Variants in AHNAK observed in about 807,000 individuals in gnomAD.
AHNAK encodes the protein neuroblast differentiation-associated protein AHNAK.
A neutral mutation model predicts 37.8 loss-of-function variants in AHNAK; 23 were observed. The observed-to-expected ratio is 0.61, with a 90% CI of 0.44 to 0.86. AHNAK has a LOEUF of 0.86. Ranked by LOEUF, AHNAK falls within the 40% of genes least tolerant of loss-of-function variation. AHNAK has a pLI of 0.00. For synonymous variants in AHNAK, 2,481 were observed against 2,636.3 expected, an observed-to-expected ratio of 0.94 and a Z score of 1.80; for missense variants, 7,411 against 7,319.4, an observed-to-expected ratio of 1.01 and a Z score of -0.46.
intron 5 of AHNAK, among the ~76,000 whole-genome samples, chr11:62,469,621 C>T (rs1286738489): frequency 1.3e-5 from 2 of 151,878 alleles, no homozygotes; most frequent in East Asian, 1.9e-4. Flanking sequence ...TTTGCCACTA[C>T]ACCCAGATAA....
chr11:62,479,736 G>T (rs185152502), intron 5 of AHNAK, among the ~76,000 whole-genome samples: 1 of 152,076 alleles, frequency 6.6e-6, no homozygotes. Context: ...CACGACGCAC[G>T]AAACAGATAA....
chr11:62,435,091 A>G (rs1938131479), intron 5 of AHNAK, among the ~76,000 whole-genome samples: 1 of 152,040 alleles, frequency 6.6e-6, no homozygotes, highest in Non-Finnish European at 1.5e-5. Flanking sequence ...GGCTCCTAAA[A>G]ACTACCTCCT....
chr11:62,516,613 G>C lies in AHNAK; in HGVS notation c.*131C>G. The C allele has an allele frequency of 6.7e-7, 1 of 1,483,310 alleles. No individual in the cohort carries two copies. The highest frequency in any genetic ancestry group is 1.4e-5 in the African/African-American group (1 of 71,424). 91.9% of individuals were successfully genotyped at this position (1,483,310 alleles called of 1,614,324 possible). A position where few individuals can be genotyped will look rare whatever the true frequency, so the allele number is the denominator to read the frequency against. On this transcript the variant is annotated 3_prime_UTR_variant, in exon 5 of 5. Coordinates refer to ENST00000378024, the MANE Select transcript of AHNAK (RefSeq NM_001620.3). ...GGTCGGTTTTTCAGCGCTTGCCACCGGGCCAGGCAAGGTCTTTGCATGATT... is the reference window on the plus strand; with the variant it reads ...GGTCGGTTTTTCAGCGCTTGCCACCCGGCCAGGCAAGGTCTTTGCATGATT...
At position 62,529,294 on chromosome 11, in the gene AHNAK, C is replaced by G. The variant is rs1940634676; in HGVS notation, c.5123G>C (p.Trp1708Ser). The change falls in exon 5 of 5, where the codon TGG becomes TCG. Residue 1708 changes from tryptophan (W) to serine (S), a missense_variant. Physicochemically the swap from Trp to Ser is radical, Grantham distance 177. Transcript: ENST00000378024. The stretch of plus-strand genomic sequence containing the variant: ...TTTCATCTTGGGCATTTTCAGGTGC[C>G]AATCTGGGTCGTGAACCTCCACATC... ...APDVEVHDPDWHLKMPKMKMP... is the reference protein window; with the variant it reads ...APDVEVHDPDSHLKMPKMKMP... 1 of 1,614,004 alleles carries G rather than the reference C, an allele frequency of 6.2e-7. No homozygotes were observed. The highest frequency in any genetic ancestry group is 8.5e-7 in the Non-Finnish European group (1 of 1,180,032).
chr11:62,543,274 C>A (rs558127186), intron 1 of AHNAK, among the ~76,000 whole-genome samples: 1 of 152,312 alleles, frequency 6.6e-6, no homozygotes, highest in East Asian at 1.9e-4. Flanking sequence ...ACAACCCCTA[C>A]GGGCCCGCAG....
Position 62,532,387 on chromosome 11 carries a change from C to T in AHNAK, c.2030G>A (p.Gly677Glu), listed in dbSNP as rs1310049724. The T allele has an allele frequency of 6.2e-7, 1 of 1,614,140 alleles. No individual in the cohort carries two copies. The highest frequency in any genetic ancestry group is 2.2e-5 in the East Asian group (1 of 44,866). ...AACATCGGGGCCTTTAAGTTTTCCC[C>T]CCAGACCCTCCAAGTTGACATCTGG... ...EAPDVNLEGL[G>E]GKLKGPDVKL... is the part of the protein sequence containing the mutation. The change falls in exon 5 of 5, where the codon GGG becomes GAG. Residue 677 changes from glycine to glutamate, a missense_variant. By Grantham distance (98) the Gly-to-Glu change is moderately conservative (BLOSUM62 -2). Transcript: ENST00000378024.
chr11:62,454,285 C>T (rs1482991163), intron 5 of AHNAK, among the ~76,000 whole-genome samples: 116 of 141,754 alleles, frequency 8.2e-4, no homozygotes, highest in African/African-American at 2.8e-3. Context: ...TGGTGGCGGG[C>T]GCCTGTAGTC....
chr11:62,531,806 G>C lies in AHNAK; in HGVS notation c.2611C>G (p.Pro871Ala). The C allele has an allele frequency of 6.2e-7, 1 of 1,613,482 alleles. No individual in the cohort carries two copies. ...TTGGGCATCTTCAGGTGCCAGTCTG[G>C]GCCTTGAACCTCCACATCTGGGACA... ...IDVPDVEVQG[P>A]DWHLKMPKMK... is the part of the protein sequence containing the mutation. Residue 871 changes from proline (P) to alanine (A), a missense_variant, in exon 5 of 5, where the codon CCA becomes GCA. Coordinates refer to ENST00000378024, the MANE Select transcript of AHNAK (RefSeq NM_001620.3).
exon 6 of AHNAK, chr11:62,433,701 TG>T: frequency 1.4e-6 from 1 of 712,564 alleles, no homozygotes; most frequent in Non-Finnish European, 2.3e-6. Flanking sequence ...GCCCTCGGTC[TG>T]GCCTGGCTGG....
chr11:62,474,383 C>G (rs1394418596), intron 5 of AHNAK, among the ~76,000 whole-genome samples: 1 of 152,122 alleles, frequency 6.6e-6, no homozygotes, highest in Non-Finnish European at 1.5e-5. Context: ...CGGGGTTTCA[C>G]CACGTTAGTC....
In AHNAK at chr11:62,524,961, T is replaced by G. The variant is rs184185461; in HGVS notation, c.9456A>C (p.Lys3152Asn). 1.2e-6 allele frequency: 2 copies of G among 1,613,286 alleles called. No individual in the cohort carries two copies. Among genetic ancestry groups the G allele is most frequent in the Non-Finnish European group, 1.7e-6 (2 of 1,179,802 alleles). ...QGPDWHLKMP[K>N]IKMPKISMPG... ...GCATGCTGATCTTGGGCATTTTTAT[T>G]TTAGGCATCTTCAGGTGCCAGTCTG... The change falls in exon 5 of 5, where the codon AAA (lysine) becomes AAC (asparagine). Residue 3152 changes from lysine to asparagine, a missense_variant. Physicochemically the swap from Lys to Asn is moderately conservative, Grantham distance 94 (BLOSUM62 0). Coordinates refer to ENST00000378024, the MANE Select transcript of AHNAK (RefSeq NM_001620.3).
chr11:62,446,966 T>C (rs935179004), intron 5 of AHNAK, among the ~76,000 whole-genome samples: 2 of 151,996 alleles, frequency 1.3e-5, no homozygotes, highest in African/African-American at 4.8e-5. Flanking sequence ...GGCTTCCTGG[T>C]AGTCCCCCTT....
chr11:62,504,166 CAGAA>C (rs1224329090), intron 4 of AHNAK, among the ~76,000 whole-genome samples: 1 of 146,076 alleles, frequency 6.8e-6, no homozygotes, highest in African/African-American at 2.5e-5. Context: ...ATCTCAAAAA[CAGAA>C]AGAGAGAGAG....
At chr11:62,541,604 C>T (rs892672037) in intron 1 of AHNAK, among the ~76,000 whole-genome samples, 1 of 152,186 alleles carries the variant, frequency 6.6e-6, no homozygotes, top group Non-Finnish European at 1.5e-5. Context: ...AAAAAAACCC[C>T]ACACACAAGT....
intron 5 of AHNAK, among the ~76,000 whole-genome samples, chr11:62,437,635 A>G (rs1271740627): frequency 1.3e-5 from 2 of 152,220 alleles, no homozygotes; most frequent in Admixed American, 1.3e-4. Context: ...CTGGGATTAC[A>G]GGTGTGAACC....
At chr11:62,440,985 G>A (rs372592672) in intron 5 of AHNAK, among the ~76,000 whole-genome samples, 1 of 151,986 alleles carries the variant, frequency 6.6e-6, no homozygotes, top group Non-Finnish European at 1.5e-5. Context: ...GGACAACATA[G>A]AGATACCCGT....
chr11:62,526,528 T>C lies in AHNAK; in HGVS notation c.7889A>G (p.Gln2630Arg). 1 of 1,612,810 alleles carries C rather than the reference T, an allele frequency of 6.2e-7. No individual in the cohort carries two copies. Among genetic ancestry groups the C allele is most frequent in the South Asian group, 1.1e-5 (1 of 91,028 alleles). The part of the protein sequence containing the change: ...VDINAPDVGV[Q>R]GPDWHLKMPK... ...CATCTTCAGGTGCCAGTCTGGGCCT[T>C]GAACACCCACATCTGGGGCATTAAT... Residue 2630 changes from glutamine to arginine, a missense_variant, in exon 5 of 5, where the codon CAA becomes CGA. Physicochemically the swap from Gln to Arg is conservative, Grantham distance 43. Transcript: ENST00000378024.
At chr11:62,514,091 TA>T (rs376428568), downstream of AHNAK, among the ~76,000 whole-genome samples, 2 of 151,762 alleles carry the variant, frequency 1.3e-5, no homozygotes, top group African/African-American at 2.4e-5. Flanking sequence ...TTCCTAAAGT[TA>T]AAAAAAAATT....
At chr11:62,464,513 C>CA (rs1781595991) in intron 5 of AHNAK, among the ~76,000 whole-genome samples, 1 of 151,680 alleles carries the variant, frequency 6.6e-6, no homozygotes, top group Admixed American at 6.6e-5. Flanking sequence ...ACTAAAAATA[C>CA]AAAAATTAGC....
Sources: gnomAD v4.1 joint callset for allele counts (sites outside exome capture counted in the v4.1 genomes callset) on GRCh38, gnomAD v4.1.1 for gene constraint, MANE v1.5 for transcripts, NCBI Gene and HGNC (gene_info 2026-07-23, HGNC 2026-07-21) for gene names.